The following CSRNP3 variants were observed in gnomAD, a reference collection of about 807,000 sequenced individuals.
CSRNP3 encodes cysteine and serine rich nuclear protein 3.
In CSRNP3, 12 loss-of-function variants were observed where a neutral mutation model predicts 48.0. The observed-to-expected ratio is 0.25, with a 90% confidence interval of 0.16 to 0.41. CSRNP3 has a LOEUF of 0.41. Among genes scored for constraint, CSRNP3 ranks in the 10% least tolerant of loss-of-function variants. CSRNP3 has a pLI of 1.00. For synonymous variants in CSRNP3, 263 were observed against 269.7 expected, an observed-to-expected ratio of 0.98 and a Z score of 0.24; for missense variants, 580 against 724.4, an observed-to-expected ratio of 0.80 and a Z score of 2.29.
At chr2:165,642,115 C>A (rs868088105) in intron 4 of CSRNP3, among the ~76,000 whole-genome samples, 3 of 130,070 alleles carry the variant, frequency 2.3e-5, no homozygotes, top group African/African-American at 3.4e-5. Flanking sequence ...CACACACACA[C>A]ACACACACAC....
chr2:165,599,962 T>C (rs952161007), intron 4 of CSRNP3, among the ~76,000 whole-genome samples: 9 of 151,328 alleles, frequency 5.9e-5, no homozygotes, highest in Non-Finnish European at 1.3e-4. Flanking sequence ...CTTTAAGTTT[T>C]AGGGTACATG....
Position 165,500,274 on chromosome 2 carries a change from TATC to T in CSRNP3, c.-113+5349_-113+5351del, listed in dbSNP as rs200850436. 5.2e-4 allele frequency among the ~76,000 whole-genome samples: 78 copies of T among 151,246 alleles called. No individual in the cohort carries two copies. The East Asian group carries it at 0.012, about 24-fold the overall frequency. ...CATTGGATTATAATGTTGGTGGAAA[TATC>T]ATGTGAGATGGAAAATGCACATATT... is the stretch of plus-strand genomic sequence containing the variant. On this transcript the variant is annotated intron_variant, in intron 2 of 6. Coordinates refer to ENST00000651982, the MANE Select transcript of CSRNP3 (RefSeq NM_001172173.2).
rs1558964717 is a variant in CSRNP3 at position 165,657,988 on chromosome 2, A to G, written c.376A>G (p.Arg126Gly). Residue 126 changes from arginine to glycine, a missense_variant, in exon 5 of 7, where the codon AGG becomes GGG. Coordinates refer to ENST00000651982, the MANE Select transcript of CSRNP3 (RefSeq NM_001172173.2). ...CCGGGAGATGTTGAGAGAACACCTTAGGGAGGAAAAGCTGAACTCCTTAAA... is the reference window on the plus strand; with the variant it reads ...CCGGGAGATGTTGAGAGAACACCTTGGGGAGGAAAAGCTGAACTCCTTAAA... The part of the protein sequence containing the change: ...LHREMLREHL[R>G]EEKLNSLKLK... 1 of 1,613,730 alleles carries G rather than the reference A, an allele frequency of 6.2e-7. No homozygotes were observed. The highest frequency in any genetic ancestry group is 8.5e-7 in the Non-Finnish European group (1 of 1,179,926).
rs903772860 is a variant in CSRNP3 at position 165,619,664 on chromosome 2, T to G, written c.148+24451T>G. Reference sequence around the variant, plus strand: ...TAGAGGCTCAAATTCTTGCCTGATATCCTAGCATTTATCCACTAACAAATA... The same window carrying G: ...TAGAGGCTCAAATTCTTGCCTGATAGCCTAGCATTTATCCACTAACAAATA... On this transcript the variant is annotated intron_variant, in intron 4 of 6. Coordinates refer to ENST00000651982, the MANE Select transcript of CSRNP3 (RefSeq NM_001172173.2). Among the ~76,000 whole-genome samples, 12 of 152,140 alleles carry G rather than the reference T, an allele frequency of 7.9e-5. 1 individual carries two copies. The highest frequency in any genetic ancestry group is 6.5e-4 in the Admixed American group (10 of 15,272).
chr2:165,653,972 C>CAAAAAAAAAAAAAAAAAAAA (rs71028497), intron 4 of CSRNP3, among the ~76,000 whole-genome samples: 2 of 41,226 alleles, frequency 4.9e-5, no homozygotes, highest in African/African-American at 2.0e-4. Context: ...AGCTCTATCA[C>CAAAAAAAAAAAAAAAAAAAA]AAAAAAAAAA....
intron 4 of CSRNP3, among the ~76,000 whole-genome samples, chr2:165,650,867 T>C (rs1686892000): frequency 1.3e-5 from 2 of 152,252 alleles, no homozygotes; most frequent in African/African-American, 4.8e-5. Flanking sequence ...AGTTTATTAT[T>C]GACTTTAGAC....
At chr2:165,647,349 A>G (rs1193164107) in intron 4 of CSRNP3, among the ~76,000 whole-genome samples, 1 of 152,198 alleles carries the variant, frequency 6.6e-6, no homozygotes, top group Non-Finnish European at 1.5e-5. Flanking sequence ...TATTTTCTCT[A>G]ATTCATTAGC....
At chr2:165,597,381 G>A (rs1257280763) in intron 4 of CSRNP3, among the ~76,000 whole-genome samples, 3 of 152,118 alleles carry the variant, frequency 2.0e-5, no homozygotes, top group Non-Finnish European at 1.5e-5. Context: ...AAGATAATGA[G>A]AAAGGGAAAG....
At position 165,683,542 on chromosome 2, in the gene CSRNP3, C is replaced by T. The variant is rs999427771; in HGVS notation, c.*3789C>T. On this transcript the variant is annotated 3_prime_UTR_variant, in exon 7 of 7. Coordinates refer to ENST00000651982, the MANE Select transcript of CSRNP3 (RefSeq NM_001172173.2). The stretch of plus-strand genomic sequence containing the variant: ...ACATACCATGATTTACTTTCTATAA[C>T]TTGCTAATCACTGTTTCTTTTATTT... 2 of 152,070 alleles carry T rather than the reference C, an allele frequency of 1.3e-5. No homozygotes were observed. Among genetic ancestry groups the T allele is most frequent in the African/African-American group, 4.8e-5 (2 of 41,448 alleles). 9.4% of individuals were successfully genotyped at this position (152,070 alleles called of 1,614,324 possible).
chr2:165,541,763 A>G (rs1411964056), intron 3 of CSRNP3, among the ~76,000 whole-genome samples: 1 of 152,022 alleles, frequency 6.6e-6, no homozygotes, highest in Non-Finnish European at 1.5e-5. Context: ...AGTTGTTTCT[A>G]TCTCTCCTGT....
intron 4 of CSRNP3, among the ~76,000 whole-genome samples, chr2:165,632,392 C>G (rs1293637588): frequency 6.6e-6 from 1 of 151,968 alleles, no homozygotes; most frequent in Non-Finnish European, 1.5e-5. Flanking sequence ...GTCTGTGGTC[C>G]CATCTACTTG....
chr2:165,610,112 C>A (rs1181116802), intron 4 of CSRNP3, among the ~76,000 whole-genome samples: 1 of 152,190 alleles, frequency 6.6e-6, no homozygotes, highest in African/African-American at 2.4e-5. Flanking sequence ...TATGAGGCAT[C>A]TGAAGCTTGG....
In CSRNP3 at chr2:165,477,567, G is replaced by A. The variant is rs541252829; in HGVS notation, c.-283+7827G>A. On this transcript the variant is annotated intron_variant, in intron 1 of 6. Coordinates refer to ENST00000651982, the MANE Select transcript of CSRNP3 (RefSeq NM_001172173.2). ...ACCTGTAATCCCAGCTACTCAGGAG[G>A]CTGAGGCAGGGGAATCGCTTGAACC... Among the ~76,000 whole-genome samples the A allele has an allele frequency of 2.0e-5, 3 of 148,342 alleles. No individual in the cohort carries two copies. In the East Asian group the frequency reaches 5.9e-4, roughly 29 times the overall value.
At chr2:165,578,826 G>A (rs1685495272) in intron 3 of CSRNP3, among the ~76,000 whole-genome samples, 1 of 152,058 alleles carries the variant, frequency 6.6e-6, no homozygotes, top group African/African-American at 2.4e-5. Flanking sequence ...GCTGAATAAG[G>A]GAATGGTTAA....
At chr2:165,648,182 T>A (rs1218855383) in intron 4 of CSRNP3, among the ~76,000 whole-genome samples, 2 of 152,192 alleles carry the variant, frequency 1.3e-5, no homozygotes, top group African/African-American at 4.8e-5. Context: ...AATGTAGAAC[T>A]GGAACACCAA....
At chr2:165,582,654 C>G (rs1685567280) in intron 3 of CSRNP3, among the ~76,000 whole-genome samples, 1 of 152,126 alleles carries the variant, frequency 6.6e-6, no homozygotes, top group African/African-American at 2.4e-5. Flanking sequence ...TAATGTGTTC[C>G]CAGTGAATCA....
At position 165,688,558 on chromosome 2, in the gene CSRNP3, A is replaced by G. The variant is rs1170366026; in HGVS notation, c.*8805A>G. 2.6e-5 allele frequency: 4 copies of G among 152,200 alleles called. No individual in the cohort carries two copies. 9.4% of individuals were successfully genotyped at this position (152,200 alleles called of 1,614,324 possible). ...ATATGTCACTTTTTGCAGTGTCTTC[A>G]TCTTGATCATAGTTTTAGACATCAA... On this transcript the variant is annotated 3_prime_UTR_variant, in exon 7 of 7. Transcript: ENST00000651982.
intron 3 of CSRNP3, among the ~76,000 whole-genome samples, chr2:165,523,960 C>T (rs967244930): frequency 1.3e-5 from 2 of 152,126 alleles, no homozygotes; most frequent in African/African-American, 4.8e-5. Flanking sequence ...GAGGTCAATA[C>T]CTCCAACCCT....
intron 4 of CSRNP3, among the ~76,000 whole-genome samples, chr2:165,606,445 C>T (rs1686014925): frequency 1.3e-5 from 2 of 150,578 alleles, no homozygotes; most frequent in South Asian, 2.1e-4. Context: ...TTATGAACAG[C>T]TGTGTAACTC....
Sources: allele counts gnomAD v4.1 joint callset (sites outside exome capture counted in the v4.1 genomes callset), GRCh38; gene constraint gnomAD v4.1.1; transcripts MANE v1.5; gene names NCBI Gene and HGNC (gene_info 2026-07-23, HGNC 2026-07-21).